Variants in ASIC2 observed in about 807,000 individuals in gnomAD.
The protein encoded by ASIC2 is acid-sensing ion channel 2.
ASIC2 carries 25 observed loss-of-function variants against 57.3 expected under a neutral mutation model. That is an observed-to-expected ratio of 0.44 (90% confidence interval 0.32 to 0.61). The LOEUF is 0.61. ASIC2 is among the 20% of genes least tolerant of loss of function. The probability of loss-of-function intolerance (pLI) is 0.06; values close to 1 mark genes in which losing one functional copy is unlikely to be tolerated. For synonymous variants in ASIC2, 319 were observed against 307.5 expected, an observed-to-expected ratio of 1.04 and a Z score of -0.39; for missense variants, 641 against 738.1, an observed-to-expected ratio of 0.87 and a Z score of 1.52.
chr17:33,505,254 C>A (rs1914214617), intron 1 of ASIC2, among the ~76,000 whole-genome samples: 1 of 151,994 alleles, frequency 6.6e-6, no homozygotes, highest in African/African-American at 2.4e-5. Context: ...CAATCAGTGA[C>A]TGGGAGAACA....
intron 1 of ASIC2, among the ~76,000 whole-genome samples, chr17:33,773,370 G>T (rs1911172656): frequency 6.6e-6 from 1 of 152,086 alleles, no homozygotes; most frequent in Non-Finnish European, 1.5e-5. Context: ...AACCCCCAAA[G>T]GCAGGGAGAC....
intron 1 of ASIC2, among the ~76,000 whole-genome samples, chr17:33,485,073 C>G (rs959374623): frequency 6.6e-6 from 1 of 152,214 alleles, no homozygotes; most frequent in African/African-American, 2.4e-5. Context: ...AGCCAAGAAC[C>G]CTCATGGGCT....
At chr17:33,698,828 G>A (rs555397610) in intron 1 of ASIC2, among the ~76,000 whole-genome samples, 6 of 152,226 alleles carry the variant, frequency 3.9e-5, no homozygotes, top group African/African-American at 9.6e-5. Flanking sequence ...ATGGAGACCC[G>A]CAGCTCATTT....
chr17:34,084,182 C>A (rs572881014), intron 1 of ASIC2, among the ~76,000 whole-genome samples: 1 of 151,766 alleles, frequency 6.6e-6, no homozygotes, highest in Non-Finnish European at 1.5e-5. Context: ...TTTAATCCAT[C>A]TTGAATTGAT....
At chr17:33,275,797 A>T (rs2142162543) in intron 1 of ASIC2, among the ~76,000 whole-genome samples, 1 of 152,328 alleles carries the variant, frequency 6.6e-6, no homozygotes, top group South Asian at 2.1e-4. Context: ...CACAGGGAAG[A>T]CCACGGGGTT....
At chr17:33,594,754 G>A (rs747343103) in intron 1 of ASIC2, among the ~76,000 whole-genome samples, 36 of 152,044 alleles carry the variant, frequency 2.4e-4, no homozygotes, top group Non-Finnish European at 4.7e-4. Flanking sequence ...CGTGAACCCG[G>A]GAGGTGGAGC....
chr17:34,023,340 TTC>T lies in ASIC2; in HGVS notation c.555+132636_555+132637del, dbSNP rs1209007191. On this transcript the variant is annotated intron_variant, in intron 1 of 9. Coordinates refer to the ASIC2 transcript ENST00000359872. ...CAAATCCCCATGATACTTTCTGCAG[TTC>T]TCTGTTTCTCTTTCTCTCTCTCTCT... Among the ~76,000 whole-genome samples the T allele has an allele frequency of 6.7e-5, 10 of 149,034 alleles. No individual in the cohort carries two copies. The East Asian group carries it at 1.2e-3, about 18-fold the overall frequency.
chr17:33,803,586 C>CT (rs961357779), intron 1 of ASIC2, among the ~76,000 whole-genome samples: 11,988 of 96,822 alleles, frequency 0.12, 586 homozygotes, highest in East Asian at 0.23. Context: ...TTTCCCTTTT[C>CT]TTTTTTTTTT....
intron 1 of ASIC2, among the ~76,000 whole-genome samples, chr17:33,342,166 A>G (rs1173754687): frequency 3.9e-5 from 6 of 152,198 alleles, no homozygotes; most frequent in Non-Finnish European, 7.3e-5. Flanking sequence ...CCTCAACAAT[A>G]CCACTCACAT....
intron 1 of ASIC2, among the ~76,000 whole-genome samples, chr17:33,955,888 C>T (rs961594647): frequency 1.3e-5 from 2 of 152,162 alleles, no homozygotes; most frequent in Admixed American, 6.5e-5. Context: ...TTTTCAGATA[C>T]CTGGTTAATG....
intron 1 of ASIC2, among the ~76,000 whole-genome samples, chr17:34,047,984 T>C (rs1031704145): frequency 1.3e-5 from 2 of 152,206 alleles, no homozygotes; most frequent in African/African-American, 2.4e-5. Flanking sequence ...ATATCCTCAA[T>C]AGGGCTTTGG....
intron 1 of ASIC2, among the ~76,000 whole-genome samples, chr17:33,493,112 G>C (rs569181713): frequency 6.6e-6 from 1 of 152,326 alleles, no homozygotes; most frequent in South Asian, 2.1e-4. Flanking sequence ...ATACAGATGA[G>C]AGGATTTTGG....
chr17:33,932,790 A>G (rs1597936516), intron 1 of ASIC2: 1 of 134,710 alleles, frequency 7.4e-6, no homozygotes, highest in East Asian at 2.3e-4. Flanking sequence ...CCCCTGTTTT[A>G]TTTTTAAAAT....
intron 1 of ASIC2, among the ~76,000 whole-genome samples, chr17:34,118,016 C>T (rs536856300): frequency 7.3e-4 from 111 of 152,268 alleles, no homozygotes; most frequent in Non-Finnish European, 1.4e-3. Context: ...TCCTGTAAGG[C>T]TTCAAGGCTC....
chr17:33,184,533 C>T (rs1048246033), intron 1 of ASIC2, among the ~76,000 whole-genome samples: 1 of 152,192 alleles, frequency 6.6e-6, no homozygotes, highest in Non-Finnish European at 1.5e-5. Flanking sequence ...TCATGATAAA[C>T]TTTGCAAATG....
chr17:33,787,426 G>A (rs183286114), intron 1 of ASIC2, among the ~76,000 whole-genome samples: 58 of 152,284 alleles, frequency 3.8e-4, no homozygotes, highest in African/African-American at 1.4e-3. Context: ...AGAGCTGATA[G>A]GAGAATATTC....
chr17:33,043,084 G>T lies in ASIC2; in HGVS notation c.988-14692C>A, dbSNP rs528209111. ...TGGGACTACAGGCGCCTGCCACCAC[G>T]CCCGGCTAATTTTTGTATTTTTAGT... On this transcript the variant is annotated intron_variant, in intron 3 of 9. Transcript: ENST00000225823. 1.2e-4 allele frequency among the ~76,000 whole-genome samples: 19 copies of T among 152,088 alleles called. No homozygotes were observed. The South Asian group carries it at 3.3e-3, about 27-fold the overall frequency.
chr17:33,300,167 C>T (rs1426199155), intron 1 of ASIC2, among the ~76,000 whole-genome samples: 2 of 152,204 alleles, frequency 1.3e-5, no homozygotes, highest in African/African-American at 2.4e-5. Flanking sequence ...CCAAAGCCAT[C>T]AATTTCTTGC....
intron 1 of ASIC2, among the ~76,000 whole-genome samples, chr17:33,202,563 C>CT (rs1906912821): frequency 6.6e-6 from 1 of 152,162 alleles, no homozygotes; most frequent in Non-Finnish European, 1.5e-5. Context: ...AGGGCTCTTG[C>CT]TGGACTTGGC....
Sources: allele counts gnomAD v4.1 joint callset (sites outside exome capture counted in the v4.1 genomes callset), GRCh38; gene constraint gnomAD v4.1.1; transcripts MANE v1.5; gene names NCBI Gene and HGNC (gene_info 2026-07-23, HGNC 2026-07-21).